The following PIEZO2 variants were observed in gnomAD, a reference collection of about 807,000 sequenced individuals.
The protein encoded by PIEZO2 is piezo type mechanosensitive ion channel component 2, also known as piezo-type mechanosensitive ion channel component 2.
PIEZO2 carries 172 observed loss-of-function variants against 337.3 expected under a neutral mutation model. That is an observed-to-expected ratio of 0.51 (90% CI 0.45 to 0.58). The LOEUF (loss-of-function observed/expected upper bound fraction) is 0.58. Among genes scored for constraint, PIEZO2 ranks in the 20% least tolerant of loss-of-function variants. PIEZO2 has a pLI of 0.00. For synonymous variants in PIEZO2, 1,251 were observed against 1,228.5 expected, an observed-to-expected ratio of 1.02 and a Z score of -0.38; for missense variants, 3,028 against 3,391.3, an observed-to-expected ratio of 0.89 and a Z score of 2.66.
intron 29 of PIEZO2, 93 bp downstream of exon 29, chr18:10,749,990 TTTTATATC>T (rs1598430952): frequency 2.3e-6 from 2 of 866,426 alleles, no homozygotes. Flanking sequence ...CTGACCCCAC[TTTTATATC>T]TTTATGTGCT....
At position 10,973,837 on chromosome 18, in the gene PIEZO2, A is replaced by G. The variant is rs1178593251; in HGVS notation, c.286+5698T>C. The stretch of plus-strand genomic sequence containing the variant: ...ATGCAGGGTGTGAGTTTGCTTTTAT[A>G]TATTTTGTCTCCCATTTCGTACTTA... On this transcript the variant is annotated intron_variant, in intron 3 of 55. Coordinates refer to ENST00000674853, the MANE Select transcript of PIEZO2 (RefSeq NM_001378183.1). The surrounding 1 kb of genome is among the most constrained non-coding windows in gnomAD (Gnocchi z 4.9). Among the ~76,000 whole-genome samples, 4 of 152,258 alleles carry G rather than the reference A, an allele frequency of 2.6e-5. No individual in the cohort carries two copies. The South Asian group carries it at 6.2e-4, about 24-fold the overall frequency.
rs368254918 is a variant in PIEZO2 at position 10,845,672 on chromosome 18, C to T, written c.917+9681G>A. Among the ~76,000 whole-genome samples, 16 of 152,274 alleles carry T rather than the reference C, an allele frequency of 1.1e-4. No homozygotes were observed. In the South Asian group the frequency reaches 3.3e-3, roughly 32 times the overall value. ...CCCATTTTCAAGACCAGGACCCCCA[C>T]ATTAATTAAGAAACATTACCCAGTG... On this transcript the variant is annotated intron_variant, in intron 7 of 55. Coordinates refer to ENST00000674853, the MANE Select transcript of PIEZO2 (RefSeq NM_001378183.1).
At chr18:10,820,727 G>A (rs1683394) in intron 7 of PIEZO2, among the ~76,000 whole-genome samples, 26,801 of 152,038 alleles carry the variant, frequency 0.18, 2,392 homozygotes, top group Middle Eastern at 0.24. Flanking sequence ...CGAGTGTCTC[G>A]ATTTTGTTGT....
At chr18:11,019,693 AC>A (rs1393781316) in intron 2 of PIEZO2, among the ~76,000 whole-genome samples, 5 of 151,764 alleles carry the variant, frequency 3.3e-5, no homozygotes, top group African/African-American at 1.2e-4. Context: ...GAGTGCACTT[AC>A]CCCCCTACCC....
chr18:10,939,874 T>C (rs1472670015), intron 3 of PIEZO2, among the ~76,000 whole-genome samples: 1 of 152,072 alleles, frequency 6.6e-6, no homozygotes, highest in Non-Finnish European at 1.5e-5. Context: ...CCACGGCATA[T>C]GTATACTTAT....
At chr18:11,103,385 A>T (rs1598963910) in intron 1 of PIEZO2, among the ~76,000 whole-genome samples, 1 of 152,126 alleles carries the variant, frequency 6.6e-6, no homozygotes, top group Non-Finnish European at 1.5e-5. Context: ...AGTGATGGAG[A>T]CATGACTTCC....
chr18:11,117,033 T>C (rs1251099631), intron 1 of PIEZO2, among the ~76,000 whole-genome samples: 1 of 152,026 alleles, frequency 6.6e-6, no homozygotes, highest in Non-Finnish European at 1.5e-5. Context: ...CATTTGAACC[T>C]GGGAGGTGGA....
chr18:11,002,882 A>G lies in PIEZO2; in HGVS notation c.161-23222T>C, dbSNP rs910788418. Among the ~76,000 whole-genome samples the G allele has an allele frequency of 1.1e-4, 17 of 152,238 alleles. No individual in the cohort carries two copies. The highest frequency in any genetic ancestry group is 1.6e-4 in the Non-Finnish European group (11 of 68,042). ...CCTCCATGGGCAGGTTCAGCAGAGA[A>G]CAGACCAATAGAAACATCCAATGGG... On this transcript the variant is annotated intron_variant, in intron 2 of 55. Coordinates refer to ENST00000674853, the MANE Select transcript of PIEZO2 (RefSeq NM_001378183.1). The surrounding 1 kb of genome is among the most constrained non-coding windows in gnomAD (Gnocchi z 4.3).
intron 4 of PIEZO2, among the ~76,000 whole-genome samples, chr18:10,897,745 C>A (rs764359643): frequency 6.6e-6 from 1 of 152,210 alleles, no homozygotes. Flanking sequence ...AGTGTACACT[C>A]AAGGTGAAAG....
intron 21 of PIEZO2, among the ~76,000 whole-genome samples, chr18:10,769,107 C>T (rs1226706625): frequency 1.3e-5 from 2 of 152,296 alleles, no homozygotes; most frequent in South Asian, 2.1e-4. Context: ...CTCTTTAATA[C>T]CCTAACCCTG....
At position 10,704,552 on chromosome 18, in the gene PIEZO2, G is replaced by A. The variant is rs142690889; in HGVS notation, c.6100C>T (p.Arg2034Cys). The A allele has an allele frequency of 7.8e-6, 12 of 1,537,254 alleles. No individual in the cohort carries two copies. Among genetic ancestry groups the A allele is most frequent in the African/African-American group, 2.7e-5 (2 of 73,170 alleles). Reference protein sequence around the residue: ...FYAMYNTLVARSEMVCYFVII... With the variant: ...FYAMYNTLVACSEMVCYFVII... Reference sequence around the variant, plus strand: ...ACGAAGTAGCACACCATCTCCGAGCGGGCCACCAGGGTATTGTACATGGCA... The same window carrying A: ...ACGAAGTAGCACACCATCTCCGAGCAGGCCACCAGGGTATTGTACATGGCA... Residue 2034 changes from arginine to cysteine, a missense_variant, in exon 42 of 56, where the codon CGC becomes TGC. Physicochemically the swap from Arg to Cys is radical, Grantham distance 180 (BLOSUM62 -3). Around this residue, in one of 5 missense-constraint regions of PIEZO2, gnomAD observed 1,925 missense variants for 2,051.9 expected, o/e 0.94. Coordinates refer to ENST00000674853, the MANE Select transcript of PIEZO2 (RefSeq NM_001378183.1).
intron 4 of PIEZO2, among the ~76,000 whole-genome samples, chr18:10,880,005 A>G (rs578125973): frequency 6.6e-6 from 1 of 152,326 alleles, no homozygotes; most frequent in African/African-American, 2.4e-5. Flanking sequence ...ACAAACACCT[A>G]TTTCAGCGCA....
chr18:11,079,727 C>T (rs1167310920), intron 1 of PIEZO2, among the ~76,000 whole-genome samples: 1 of 152,190 alleles, frequency 6.6e-6, no homozygotes, highest in African/African-American at 2.4e-5. Context: ...CATAAGCATC[C>T]TTCAAATTAG....
intron 7 of PIEZO2, among the ~76,000 whole-genome samples, chr18:10,825,725 A>G (rs867243761): frequency 4.0e-5 from 6 of 151,366 alleles, no homozygotes; most frequent in African/African-American, 1.5e-4. Flanking sequence ...TAATTTTTGT[A>G]TTTTTAGTAG....
chr18:10,770,277 G>A lies in PIEZO2; in HGVS notation c.2817C>T (p.Asp939=), dbSNP rs1477156572. 2.0e-6 allele frequency: 3 copies of A among 1,537,524 alleles called. No homozygotes were observed. The African/African-American group carries it at 4.1e-5, about 21-fold the overall frequency. ...DLRNKWHLVI[D]RLTVLFLKFL... The stretch of plus-strand genomic sequence containing the variant: ...ATTTTAAGAAGAGCACAGTGAGGCG[G>A]TCAATCACCAGGTGCCATTTGTTCC... Residue 939 remains aspartate (D), a synonymous_variant, in exon 21 of 56, where the codon GAC becomes GAT. Transcript: ENST00000674853.
chr18:10,862,175 A>G lies in PIEZO2; in HGVS notation c.493-4964T>C, dbSNP rs1204470921. Among the ~76,000 whole-genome samples, 2 of 152,174 alleles carry G rather than the reference A, an allele frequency of 1.3e-5. No homozygotes were observed. The highest frequency in any genetic ancestry group is 4.8e-5 in the African/African-American group (2 of 41,466). ...CCACAATGTATACATGTATCAAAAT[A>G]CCACATTATATACCCCATAAATATA... On this transcript the variant is annotated intron_variant, in intron 5 of 55. Transcript: ENST00000674853. This position sits in a 1 kb window ranked among gnomAD's most constrained non-coding sequence, Gnocchi z 4.4.
chr18:11,069,228 A>G lies in PIEZO2; in HGVS notation c.65-3006T>C, dbSNP rs2038255351. On this transcript the variant is annotated intron_variant, in intron 1 of 55. Coordinates refer to ENST00000674853, the MANE Select transcript of PIEZO2 (RefSeq NM_001378183.1). This position sits in a 1 kb window ranked among gnomAD's most constrained non-coding sequence, Gnocchi z 4.9. Reference sequence around the variant, plus strand: ...AAACCAGACAAGGATAATACAAGGAAAGAAAATTACAGGCCAGTGTCCTTG... The same window carrying G: ...AAACCAGACAAGGATAATACAAGGAGAGAAAATTACAGGCCAGTGTCCTTG... 6.6e-6 allele frequency among the ~76,000 whole-genome samples: 1 copy of G among 152,222 alleles called. No individual in the cohort carries two copies. Among genetic ancestry groups the G allele is most frequent in the African/African-American group, 2.4e-5 (1 of 41,454 alleles).
intron 7 of PIEZO2, among the ~76,000 whole-genome samples, chr18:10,848,500 G>A (rs2041434663): frequency 1.3e-5 from 2 of 152,232 alleles, no homozygotes; most frequent in African/African-American, 2.4e-5. Flanking sequence ...ATAAAAAAGG[G>A]TAACAGGACA....
At chr18:10,885,457 C>T in intron 4 of PIEZO2, among the ~76,000 whole-genome samples, 1 of 151,980 alleles carries the variant, frequency 6.6e-6, no homozygotes, top group East Asian at 1.9e-4. Flanking sequence ...GGGAATAAAA[C>T]ACTGTATTTG....
Sources: allele counts gnomAD v4.1 joint callset (sites outside exome capture counted in the v4.1 genomes callset), GRCh38; gene constraint gnomAD v4.1.1; regional missense constraint gnomAD v4.1.1; non-coding constraint Gnocchi (gnomAD v3.1); transcripts MANE v1.5; gene names NCBI Gene and HGNC (gene_info 2026-07-23, HGNC 2026-07-21).